Variants in DOK6 observed in about 807,000 individuals in gnomAD.
The protein encoded by DOK6 is downstream of tyrosine kinase 6.
A neutral mutation model predicts 44.0 loss-of-function variants in DOK6; 22 were observed. The observed-to-expected ratio is 0.50, with a 90% CI of 0.36 to 0.71. The LOEUF (loss-of-function observed/expected upper bound fraction) is 0.71. Among genes scored for constraint, DOK6 ranks in the 30% least tolerant of loss-of-function variants. The pLI, the probability that DOK6 is intolerant of heterozygous loss-of-function variation, is 0.00. For synonymous variants in DOK6, 166 were observed against 145.5 expected (o/e 1.14, Z -1.01); for missense variants, 340 against 416.4 (o/e 0.82, Z 1.60).
chr18:69,704,031 AC>A (rs1387539264), intron 5 of DOK6, among the ~76,000 whole-genome samples: 1 of 152,170 alleles, frequency 6.6e-6, no homozygotes. Context: ...CCTCACCAGA[AC>A]CCAACCATGC....
intron 2 of DOK6, among the ~76,000 whole-genome samples, chr18:69,568,253 A>C (rs747208475): frequency 1.2e-4 from 19 of 152,238 alleles, no homozygotes; most frequent in Non-Finnish European, 1.9e-4. Context: ...GCTCCAAGCC[A>C]GGTAATGAGC....
chr18:69,726,613 T>TTG (rs1978308950), intron 5 of DOK6, among the ~76,000 whole-genome samples: 1 of 150,354 alleles, frequency 6.7e-6, no homozygotes, highest in Non-Finnish European at 1.5e-5. Context: ...AAACAACAAA[T>TTG]TGTATATATA....
intron 7 of DOK6, among the ~76,000 whole-genome samples, chr18:69,823,109 G>A (rs1266042477): frequency 2.0e-5 from 3 of 152,198 alleles, no homozygotes; most frequent in Non-Finnish European, 4.4e-5. Flanking sequence ...GTACACAGGA[G>A]TGAGCTGCTG....
intron 1 of DOK6, among the ~76,000 whole-genome samples, chr18:69,562,284 T>C (rs1982853038): frequency 6.6e-6 from 1 of 152,172 alleles, no homozygotes; most frequent in African/African-American, 2.4e-5. Context: ...GTCTGGGTTT[T>C]TTTTTCAATC....
chr18:69,656,227 A>G (rs1273490637), intron 3 of DOK6, among the ~76,000 whole-genome samples: 1 of 152,222 alleles, frequency 6.6e-6, no homozygotes, highest in Admixed American at 6.5e-5. Flanking sequence ...CAGTCAAGAT[A>G]AATTAACACT....
chr18:69,471,209 C>A lies in DOK6; in HGVS notation c.66+69899C>A, dbSNP rs183225073. 4.1e-3 allele frequency among the ~76,000 whole-genome samples: 522 copies of A among 128,844 alleles called. 1 individual carries two copies. Among genetic ancestry groups the A allele is most frequent in the African/African-American group, 0.014 (501 of 34,788 alleles). 84.5% of individuals were successfully genotyped at this position (128,844 alleles called of 152,430 possible). Reference sequence around the variant, plus strand: ...AGGTTGCGGTGAGCTGAGATCGCGCCATTGCACTCTAGCCTGGGCAACAAA... The same window carrying A: ...AGGTTGCGGTGAGCTGAGATCGCGCAATTGCACTCTAGCCTGGGCAACAAA... On this transcript the variant is annotated intron_variant, in intron 1 of 7. Transcript: ENST00000382713.
At chr18:69,486,030 C>A (rs1320074874) in intron 1 of DOK6, among the ~76,000 whole-genome samples, 2 of 151,672 alleles carry the variant, frequency 1.3e-5, no homozygotes, top group Non-Finnish European at 2.9e-5. Flanking sequence ...CTATAAATGC[C>A]ACTTCTTGGA....
At chr18:69,528,709 C>T (rs542368421) in intron 1 of DOK6, among the ~76,000 whole-genome samples, 2 of 152,294 alleles carry the variant, frequency 1.3e-5, no homozygotes, top group South Asian at 4.1e-4. Flanking sequence ...CATGACGTAG[C>T]TCTATCTGGG....
intron 1 of DOK6, among the ~76,000 whole-genome samples, chr18:69,497,403 C>T (rs773248898): frequency 1.3e-5 from 2 of 152,116 alleles, no homozygotes; most frequent in African/African-American, 2.4e-5. Context: ...CCTCTCACAC[C>T]ACCCCAATGC....
At chr18:69,457,496 T>C (rs1196535140) in intron 1 of DOK6, among the ~76,000 whole-genome samples, 2 of 152,190 alleles carry the variant, frequency 1.3e-5, no homozygotes, top group East Asian at 3.9e-4. Flanking sequence ...GGTCTATGTG[T>C]CTGTTTTTGT....
chr18:69,731,450 A>C (rs1426486965), intron 5 of DOK6, among the ~76,000 whole-genome samples: 2 of 152,160 alleles, frequency 1.3e-5, no homozygotes, highest in Non-Finnish European at 2.9e-5. Context: ...TTGTAACCTG[A>C]GAATAAAAGT....
At chr18:69,566,338 G>A (rs1051415742) in intron 2 of DOK6, among the ~76,000 whole-genome samples, 6 of 152,132 alleles carry the variant, frequency 3.9e-5, no homozygotes, top group South Asian at 4.1e-4. Context: ...GGATTTCACC[G>A]TGTTAGCCAG....
intron 6 of DOK6, among the ~76,000 whole-genome samples, chr18:69,747,528 TTC>T (rs965711149): frequency 1.3e-5 from 2 of 152,022 alleles, no homozygotes; most frequent in Admixed American, 1.3e-4. Flanking sequence ...AACTTAGGTC[TTC>T]TCAAGGGATA....
intron 1 of DOK6, among the ~76,000 whole-genome samples, chr18:69,548,392 A>G (rs1982468983): frequency 6.6e-6 from 1 of 151,604 alleles, no homozygotes; most frequent in Non-Finnish European, 1.5e-5. Context: ...GGTATTTCTA[A>G]TAAACTCACA....
chr18:69,761,420 G>A (rs942907705), intron 7 of DOK6, among the ~76,000 whole-genome samples: 1 of 152,168 alleles, frequency 6.6e-6, no homozygotes, highest in Non-Finnish European at 1.5e-5. Flanking sequence ...TGTTGGGAGT[G>A]GGGCTTCTCT....
intron 3 of DOK6, among the ~76,000 whole-genome samples, chr18:69,655,518 C>G (rs981469114): frequency 6.6e-6 from 1 of 151,670 alleles, no homozygotes; most frequent in Non-Finnish European, 1.5e-5. Context: ...GTTGGGAGGT[C>G]GAGGTGGGTG....
intron 1 of DOK6, among the ~76,000 whole-genome samples, chr18:69,430,960 G>A (rs1978790540): frequency 1.3e-5 from 2 of 152,150 alleles, no homozygotes; most frequent in African/African-American, 2.4e-5. Context: ...GCGAGTCTCC[G>A]TCTCAAAATA....
intron 3 of DOK6, among the ~76,000 whole-genome samples, chr18:69,615,243 AC>A (rs1984258390): frequency 6.6e-6 from 1 of 152,174 alleles, no homozygotes; most frequent in Admixed American, 6.5e-5. Context: ...AAAATTATTC[AC>A]TAATGCTGCT....
intron 7 of DOK6, among the ~76,000 whole-genome samples, chr18:69,825,988 G>A (rs1981729733): frequency 6.6e-6 from 1 of 152,008 alleles, no homozygotes; most frequent in Non-Finnish European, 1.5e-5. Flanking sequence ...GTGCTGTATG[G>A]CAGTGTTAAC....
Sources: gnomAD v4.1 joint callset for allele counts (sites outside exome capture counted in the v4.1 genomes callset) on GRCh38, gnomAD v4.1.1 for gene constraint, MANE v1.5 for transcripts, NCBI Gene and HGNC (gene_info 2026-07-23, HGNC 2026-07-21) for gene names.